The following KCNH1 variants were observed in gnomAD, a reference collection of about 807,000 sequenced individuals.
KCNH1 encodes the protein voltage-gated delayed rectifier potassium channel KCNH1.
KCNH1 carries 27 observed loss-of-function variants against 69.2 expected under a neutral mutation model. The ratio of observed to expected loss-of-function variants is 0.39; its 90% CI spans 0.29 to 0.54. The LOEUF is 0.54. Among genes scored for constraint, KCNH1 ranks in the 20% least tolerant of loss-of-function variants. KCNH1 has a pLI of 0.68. For missense variants in KCNH1, 798 were observed against 1,261.6 expected (o/e 0.63, Z 5.57); for synonymous variants, 456 against 487.7 (o/e 0.93, Z 0.86).
Position 210,919,825 on chromosome 1 carries a change from A to G in KCNH1, c.1277T>C (p.Ile426Thr), listed in dbSNP as rs1434855758. 10 of 1,613,952 alleles carry G rather than the reference A, an allele frequency of 6.2e-6. No individual in the cohort carries two copies. The highest frequency in any genetic ancestry group is 8.5e-6 in the Non-Finnish European group (10 of 1,179,994). ...NSWLYQLAMD[I>T]GTPYQFNGSG... ...CCCATTAAACTGGTAAGGGGTGCCA[A>G]TGTCCATCGCTAGTTGGTACAGCCA... The change falls in exon 7 of 11, where the codon ATT becomes ACT. Residue 426 changes from isoleucine to threonine, a missense_variant. By Grantham distance (89) the Ile-to-Thr change is moderately conservative (BLOSUM62 -1). Coordinates refer to ENST00000271751, the MANE Select transcript of KCNH1 (RefSeq NM_172362.3). The surrounding 1 kb of genome is among the most constrained non-coding windows in gnomAD (Gnocchi z 4.2).
chr1:211,055,051 C>A (rs928423052), intron 5 of KCNH1, among the ~76,000 whole-genome samples: 2 of 152,126 alleles, frequency 1.3e-5, no homozygotes, highest in African/African-American at 4.8e-5. Context: ...TCCACAAGAA[C>A]ACCAAATTGA....
At chr1:211,103,792 A>T (rs1002506629) in intron 2 of KCNH1, among the ~76,000 whole-genome samples, 190 bp from the exon 3 acceptor site, 1 of 152,240 alleles carries the variant, frequency 6.6e-6, no homozygotes, top group African/African-American at 2.4e-5. Context: ...ATTGTCTCCA[A>T]AAAACTAACA....
intron 6 of KCNH1, among the ~76,000 whole-genome samples, chr1:211,010,481 C>G (rs967936182): frequency 1.3e-5 from 2 of 152,160 alleles, no homozygotes; most frequent in African/African-American, 4.8e-5. Context: ...ACTTGGCCTT[C>G]TTCCCTCCCC....
chr1:210,846,574 T>A (rs1685554129), intron 7 of KCNH1, among the ~76,000 whole-genome samples: 1 of 152,156 alleles, frequency 6.6e-6, no homozygotes, highest in African/African-American at 2.4e-5. Flanking sequence ...TACACAAAAA[T>A]TAATTCAAGA....
At chr1:210,894,880 A>G (rs1686830975) in intron 7 of KCNH1, among the ~76,000 whole-genome samples, 1 of 152,134 alleles carries the variant, frequency 6.6e-6, no homozygotes. Context: ...TCTGTGTGGT[A>G]TTCTGTTTTA....
intron 5 of KCNH1, among the ~76,000 whole-genome samples, chr1:211,061,223 C>G (rs758333700): frequency 6.6e-6 from 1 of 152,126 alleles, no homozygotes; most frequent in East Asian, 1.9e-4. Flanking sequence ...ATCATTTCAA[C>G]TGACACCTTA....
intron 5 of KCNH1, among the ~76,000 whole-genome samples, chr1:211,043,115 G>C (rs1402466166): frequency 6.6e-6 from 1 of 151,978 alleles, no homozygotes; most frequent in African/African-American, 2.4e-5. Context: ...GATCAGAGCA[G>C]AACTAAACGA....
At chr1:210,876,498 A>G (rs759179206) in intron 7 of KCNH1, among the ~76,000 whole-genome samples, 5 of 152,090 alleles carry the variant, frequency 3.3e-5, no homozygotes, top group Non-Finnish European at 7.4e-5. Flanking sequence ...CCATAATGGG[A>G]CAGGTTATGA....
At chr1:211,003,552 A>G (rs1689227126) in intron 6 of KCNH1, among the ~76,000 whole-genome samples, 1 of 151,988 alleles carries the variant, frequency 6.6e-6, no homozygotes, top group African/African-American at 2.4e-5. Context: ...GTTATATCTT[A>G]CCCAATGCAT....
At chr1:210,797,924 T>C (rs778475220) in intron 8 of KCNH1, among the ~76,000 whole-genome samples, 164 bp from the exon 9 acceptor site, 31 of 152,062 alleles carry the variant, frequency 2.0e-4, no homozygotes, top group Non-Finnish European at 4.4e-4. Context: ...ATGAGACAGA[T>C]AGCTTCTAAA....
chr1:210,778,913 G>C (rs1310912056), intron 9 of KCNH1, among the ~76,000 whole-genome samples: 1 of 149,332 alleles, frequency 6.7e-6, no homozygotes, highest in African/African-American at 2.5e-5. Context: ...GAAACTATTA[G>C]GTAAAATAGT....
chr1:210,983,038 T>C (rs1571549770), intron 6 of KCNH1, among the ~76,000 whole-genome samples: 1 of 152,220 alleles, frequency 6.6e-6, no homozygotes. Context: ...GAGCATTTTT[T>C]CCCGTGTTTT....
chr1:210,892,234 C>A (rs1429814552), intron 7 of KCNH1, among the ~76,000 whole-genome samples: 1 of 151,920 alleles, frequency 6.6e-6, no homozygotes, highest in Non-Finnish European at 1.5e-5. Context: ...AAAAAACAAC[C>A]CTTATATCCT....
intron 5 of KCNH1, among the ~76,000 whole-genome samples, chr1:211,065,115 T>G (rs976833896): frequency 4.6e-5 from 7 of 152,216 alleles, no homozygotes; most frequent in Non-Finnish European, 1.0e-4. Flanking sequence ...ACCATATGAT[T>G]CACCAATCTC....
intron 7 of KCNH1, among the ~76,000 whole-genome samples, chr1:210,845,991 A>G (rs1574292142): frequency 6.6e-6 from 1 of 152,218 alleles, no homozygotes; most frequent in South Asian, 2.1e-4. Flanking sequence ...TGCTTCAAAG[A>G]GAATAAAATA....
At chr1:210,959,399 G>A (rs1353239438) in intron 6 of KCNH1, among the ~76,000 whole-genome samples, 1 of 152,104 alleles carries the variant, frequency 6.6e-6, no homozygotes, top group Admixed American at 6.5e-5. Flanking sequence ...GAGGCAGGCC[G>A]TCCGTTCTCA....
chr1:210,734,496 C>CAATT (rs750810248), intron 10 of KCNH1, among the ~76,000 whole-genome samples: 57 of 152,330 alleles, frequency 3.7e-4, no homozygotes, highest in Middle Eastern at 6.8e-3. Context: ...TTTTATCTTA[C>CAATT]AATTAGGTAA....
In KCNH1 at chr1:210,963,423, G is replaced by A. The variant is rs145938058; in HGVS notation, c.1033-43354C>T. Among the ~76,000 whole-genome samples the A allele has an allele frequency of 1.1e-4, 17 of 152,170 alleles. No homozygotes were observed. The East Asian group carries it at 3.1e-3, about 28-fold the overall frequency. ...TCCTCACCAGCGAGGGAACAAAACT[G>A]GATGGAGAATGAGTTTGACAAATTG... On this transcript the variant is annotated intron_variant, in intron 6 of 10. Coordinates refer to ENST00000271751, the MANE Select transcript of KCNH1 (RefSeq NM_172362.3).
At chr1:210,818,234 G>C (rs1438676723) in intron 7 of KCNH1, among the ~76,000 whole-genome samples, 1 of 152,084 alleles carries the variant, frequency 6.6e-6, no homozygotes, top group Non-Finnish European at 1.5e-5. Flanking sequence ...ATAAAAACTT[G>C]GCTTTTCTCA....
Sources: allele counts gnomAD v4.1 joint callset (sites outside exome capture counted in the v4.1 genomes callset), GRCh38; gene constraint gnomAD v4.1.1; non-coding constraint Gnocchi (gnomAD v3.1); transcripts MANE v1.5; gene names NCBI Gene and HGNC (gene_info 2026-07-23, HGNC 2026-07-21).